The following SLC39A2 variants were observed in gnomAD, a reference collection of about 807,000 sequenced individuals.
SLC39A2 encodes the protein zinc transporter ZIP2.
A neutral mutation model predicts 18.0 loss-of-function variants in SLC39A2; 14 were observed. The ratio of observed to expected loss-of-function variants is 0.78; its 90% CI spans 0.51 to 1.22. The LOEUF is 1.22. Ranked by LOEUF, SLC39A2 falls within the 50% of genes most tolerant of loss-of-function variation. The pLI is 0.00. For synonymous variants in SLC39A2, 152 were observed against 153.1 expected (o/e 0.99, Z 0.05); for missense variants, 375 against 370.6 (o/e 1.01, Z -0.10).
chr14:21,000,272 T>C, intron 3 of SLC39A2, 106 bp downstream of exon 3: 1 of 772,968 alleles, frequency 1.3e-6, no homozygotes, highest in Non-Finnish European at 2.2e-6. Context: ...CAAGAATCCC[T>C]TCTGCTCCCT....
chr14:21,000,939 G>T lies in SLC39A2; in HGVS notation c.298-8G>T. On this transcript the variant is annotated splice_region_variant and splice_polypyrimidine_tract_variant and intron_variant, in intron 3 of 3. Transcript: ENST00000298681. Reference sequence around the variant, plus strand: ...TTTCCATCTCACAGCCCTTCTTTTTGTTTCTAGATGGAGTATCCCTATGGA... The same window carrying T: ...TTTCCATCTCACAGCCCTTCTTTTTTTTTCTAGATGGAGTATCCCTATGGA... The T allele has an allele frequency of 2.1e-6, 3 of 1,441,714 alleles. No homozygotes were observed. The highest frequency in any genetic ancestry group is 4.8e-5 in the East Asian group (2 of 41,656). 89.3% of individuals were successfully genotyped at this position (1,441,714 alleles called of 1,614,324 possible).
intron 3 of SLC39A2, 119 bp from the exon 4 acceptor site, chr14:21,000,828 A>T: frequency 1.2e-6 from 1 of 848,438 alleles, no homozygotes; most frequent in Non-Finnish European, 1.7e-6. Context: ...CATTTCCCCT[A>T]CCCTTTTTTG....
In SLC39A2 at chr14:20,999,823, C is replaced by CT. The variant is rs754931270; in HGVS notation, c.198dup (p.Glu67Ter). ...GGAGCAGGGTTCATGCATATGACTG[C>CT]TGAAGCCCTGGAGGAAATTGAATCA... On this transcript the variant is annotated frameshift_variant, in exon 2 of 4. Transcript: ENST00000298681. LOFTEE classifies it high-confidence loss of function. 2 of 1,614,134 alleles carry CT rather than the reference C, an allele frequency of 1.2e-6. No individual in the cohort carries two copies. The highest frequency in any genetic ancestry group is 1.7e-6 in the Non-Finnish European group (2 of 1,180,002).
intron 3 of SLC39A2, among the ~76,000 whole-genome samples, chr14:21,000,625 C>A (rs1880583942): frequency 6.6e-6 from 1 of 152,158 alleles, no homozygotes; most frequent in African/African-American, 2.4e-5. Context: ...GCACGTGCCA[C>A]CACACCTGGC....
At position 21,001,075 on chromosome 14, in the gene SLC39A2, T is replaced by G. The variant is rs1594349293; in HGVS notation, c.426T>G (p.Gly142=). Residue 142 remains glycine (G), a synonymous_variant, in exon 4 of 4, where the codon GGT becomes GGG. Coordinates refer to ENST00000298681, the MANE Select transcript of SLC39A2 (RefSeq NM_014579.4). ...GGSTVQDEEW[G]GAHIFELHSH... ...CGACAGTGCAGGACGAAGAATGGGGTGGGGCTCATATCTTCGAACTCCACA... is the reference window on the plus strand; with the variant it reads ...CGACAGTGCAGGACGAAGAATGGGGGGGGGCTCATATCTTCGAACTCCACA... The G allele has an allele frequency of 6.2e-7, 1 of 1,610,508 alleles. No homozygotes were observed. The highest frequency in any genetic ancestry group is 8.5e-7 in the Non-Finnish European group (1 of 1,177,688).
At position 20,999,884 on chromosome 14, in the gene SLC39A2, G is replaced by C; in HGVS notation, c.246+12G>C. ...AGTTCATGGTGCAGGTGAGAGCAGA[G>C]ATTTCAAGCCGCAGGTCTATGAGGC... On this transcript the variant is annotated intron_variant, in intron 2 of 3. Transcript: ENST00000298681. The C allele has an allele frequency of 6.2e-7, 1 of 1,613,716 alleles. No homozygotes were observed. Among genetic ancestry groups the C allele is most frequent in the Non-Finnish European group, 8.5e-7 (1 of 1,180,014 alleles).
rs1233293809 is a variant in SLC39A2, at chr14:20,999,772, G to T, written c.146G>T (p.Gly49Val). The stretch of plus-strand genomic sequence containing the variant: ...CACCGGCTAGTCCTCAGACTCCTGG[G>T]CTGTATTTCTGCTGGTGTTTTCCTG... ...GHHRLVLRLL[G>V]CISAGVFLGA... The change falls in exon 2 of 4, where the codon GGC (glycine) becomes GTC (valine). Residue 49 changes from glycine (G) to valine (V), a missense_variant. Coordinates refer to ENST00000298681, the MANE Select transcript of SLC39A2 (RefSeq NM_014579.4). The T allele has an allele frequency of 1.2e-6, 2 of 1,614,164 alleles. No individual in the cohort carries two copies.
At chr14:21,000,275 T>C in intron 3 of SLC39A2, 109 bp downstream of exon 3, 1 of 765,056 alleles carries the variant, frequency 1.3e-6, no homozygotes, top group Non-Finnish European at 2.2e-6. Context: ...GAATCCCTTC[T>C]GCTCCCTAGC....
rs200994696 is a variant in SLC39A2 at position 20,999,540 on chromosome 14, T to C, written c.94T>C (p.Phe32Leu). Residue 32 changes from phenylalanine (F) to leucine (L), a missense_variant, in exon 1 of 4, where the codon TTC becomes CTC. By Grantham distance (22) the Phe-to-Leu change is conservative (BLOSUM62 0). Transcript: ENST00000298681. ...CCTTACTCCCATCTGCTTCAAATGG[T>C]TCCAGATTGATGCAGCCAGAGGTAT... is the stretch of plus-strand genomic sequence containing the variant. ...CGLTPICFKW[F>L]QIDAARGHHR... 8.1e-6 allele frequency: 13 copies of C among 1,613,988 alleles called. No homozygotes were observed. The Admixed American group carries it at 1.8e-4, about 23-fold the overall frequency.
intron 3 of SLC39A2, among the ~76,000 whole-genome samples, chr14:21,000,480 C>T (rs1006173366): frequency 6.6e-5 from 10 of 152,124 alleles, no homozygotes; most frequent in African/African-American, 7.2e-5. Flanking sequence ...TGTTGTTTTT[C>T]GTTTGTTTGT....
chr14:21,000,658 G>A (rs1338901139), intron 3 of SLC39A2, among the ~76,000 whole-genome samples: 2 of 152,084 alleles, frequency 1.3e-5, no homozygotes, highest in Admixed American at 1.3e-4. Flanking sequence ...TTTTAGTAGA[G>A]ACGGGGTTTC....
At position 21,001,568 on chromosome 14, in the gene SLC39A2, T is replaced by A; in HGVS notation, c.919T>A (p.Leu307Met). 6.4e-7 allele frequency: 1 copy of A among 1,553,694 alleles called. No individual in the cohort carries two copies. The change falls in exon 4 of 4, where the codon TTG becomes ATG. Residue 307 changes from leucine to methionine, a missense_variant. Physicochemically the swap from Leu to Met is conservative, Grantham distance 15. Transcript: ENST00000298681. ...TTTTGCCTTCATGGCCTTTATTGCC[T>A]TGTGGGCCTGAGAGATTCCTGGCTT... The part of the protein sequence containing the change: ...AGFAFMAFIA[L>M]WA
At position 21,001,791 on chromosome 14, in the gene SLC39A2, A is replaced by G. The variant is rs533456934; in HGVS notation, c.*212A>G. 2.7e-5 allele frequency: 12 copies of G among 440,288 alleles called. No individual in the cohort carries two copies. The South Asian group carries it at 9.5e-4, about 35-fold the overall frequency. The allele number at this position is 440,288 out of a possible 1,614,324, so 27.3% of individuals were successfully genotyped here. A position where few individuals can be genotyped will look rare whatever the true frequency, so the allele number is the denominator to read the frequency against. ...TTTAGGTTGAGCAGCTATTAATTGGAGAATTGGTACAGAGACGCTCCAGAT... is the reference window on the plus strand; with the variant it reads ...TTTAGGTTGAGCAGCTATTAATTGGGGAATTGGTACAGAGACGCTCCAGAT... On this transcript the variant is annotated 3_prime_UTR_variant, in exon 4 of 4. Coordinates refer to ENST00000298681, the MANE Select transcript of SLC39A2 (RefSeq NM_014579.4).
In SLC39A2 at chr14:21,001,515, T is replaced by TA; in HGVS notation, c.867dup (p.Ala290SerfsTer2). 6.2e-7 allele frequency: 1 copy of TA among 1,608,320 alleles called. No homozygotes were observed. Among genetic ancestry groups the TA allele is most frequent in the Non-Finnish European group, 8.5e-7 (1 of 1,177,162 alleles). On this transcript the variant is annotated frameshift_variant, in exon 4 of 4. Transcript: ENST00000298681. LOFTEE classifies it high-confidence loss of function. ...GAGCTAGCTAGTCCTGAGGCCCCTC[T>TA]AGCTAAGTGGAGCTGTGTAGCCGCT...
At position 21,001,655 on chromosome 14, in the gene SLC39A2, AC is replaced by A; in HGVS notation, c.*79del. The A allele has an allele frequency of 7.2e-7, 1 of 1,395,706 alleles. No homozygotes were observed. The highest frequency in any genetic ancestry group is 9.7e-7 in the Non-Finnish European group (1 of 1,031,874). 86.5% of individuals were successfully genotyped at this position (1,395,706 alleles called of 1,614,324 possible). A position where few individuals can be genotyped will look rare whatever the true frequency, so the allele number is the denominator to read the frequency against. On this transcript the variant is annotated 3_prime_UTR_variant, in exon 4 of 4. Coordinates refer to ENST00000298681, the MANE Select transcript of SLC39A2 (RefSeq NM_014579.4). ...CAGGGAGACCTCCCAAATGGCTTTGACCCTCAGACATTTCTTTACTCAGACT... is the reference window on the plus strand; with the variant it reads ...CAGGGAGACCTCCCAAATGGCTTTGACCTCAGACATTTCTTTACTCAGACT...
chr14:20,999,350 G>T lies in SLC39A2; in HGVS notation c.-97G>T. The T allele has an allele frequency of 1.2e-6, 1 of 853,568 alleles. No homozygotes were observed. The highest frequency in any genetic ancestry group is 1.4e-5 in the South Asian group (1 of 71,488). The allele number at this position is 853,568 out of a possible 1,614,324, so 52.9% of individuals were successfully genotyped here. ...ACAGCCTCCTGAAACTCACGAGAGTGGACACTCCAGTGTTGACCACCTAAG... is the reference window on the plus strand; with the variant it reads ...ACAGCCTCCTGAAACTCACGAGAGTTGACACTCCAGTGTTGACCACCTAAG... On this transcript the variant is annotated 5_prime_UTR_variant, in exon 1 of 4. Transcript: ENST00000298681.
At chr14:20,999,975 C>A (rs1382729522) in intron 2 of SLC39A2, 103 bp downstream of exon 2, 4 of 1,516,546 alleles carry the variant, frequency 2.6e-6, no homozygotes, top group South Asian at 1.2e-5. Context: ...ATGGGTGGAA[C>A]GACAAGGAAA....
Position 21,001,735 on chromosome 14 carries a change from C to A in SLC39A2, c.*156C>A. ...CCCCAGGTTTCCTTTACATGAGATC[C>A]CATTTCTCACCCTGGACTAAGACAA... On this transcript the variant is annotated 3_prime_UTR_variant, in exon 4 of 4. Transcript: ENST00000298681. 1.8e-6 allele frequency: 1 copy of A among 559,220 alleles called. No individual in the cohort carries two copies. Among genetic ancestry groups the A allele is most frequent in the Non-Finnish European group, 3.0e-6 (1 of 336,054 alleles). The allele number at this position is 559,220 out of a possible 1,614,324, so 34.6% of individuals were successfully genotyped here.
intron 3 of SLC39A2, 89 bp downstream of exon 3, chr14:21,000,255 G>A: frequency 7.6e-6 from 7 of 922,182 alleles, no homozygotes; most frequent in Non-Finnish European, 1.2e-5. Context: ...GAATACATGA[G>A]GAGTACCAAG....
Sources: gnomAD v4.1 joint callset for allele counts (sites outside exome capture counted in the v4.1 genomes callset) on GRCh38, gnomAD v4.1.1 for gene constraint, MANE v1.5 for transcripts, NCBI Gene and HGNC (gene_info 2026-07-23, HGNC 2026-07-21) for gene names.